The following EPN2 variants were observed in gnomAD, a reference collection of about 807,000 sequenced individuals.
The protein encoded by EPN2 is epsin-2.
A neutral mutation model predicts 61.7 loss-of-function variants in EPN2; 34 were observed. That is an observed-to-expected ratio of 0.55 (90% confidence interval 0.42 to 0.73). EPN2 has a LOEUF of 0.73. Among genes scored for constraint, EPN2 ranks in the 30% least tolerant of loss-of-function variants. The pLI is 0.00. For synonymous variants in EPN2, 349 were observed against 353.6 expected, an observed-to-expected ratio of 0.99 and a Z score of 0.15; for missense variants, 714 against 839.2, an observed-to-expected ratio of 0.85 and a Z score of 1.84.
At chr17:19,243,384 ATTTTTTTTTTTTTTT>A (rs1013094131) in intron 1 of EPN2, among the ~76,000 whole-genome samples, 12 of 77,280 alleles carry the variant, frequency 1.6e-4, no homozygotes, top group African/African-American at 8.0e-4. Flanking sequence ...TGCCTGGCTA[ATTTTTTTTTTTTTTT>A]TTTTTTTTTT....
intron 7 of EPN2, among the ~76,000 whole-genome samples, chr17:19,322,188 G>T (rs1414587666): frequency 1.3e-5 from 2 of 152,242 alleles, no homozygotes; most frequent in Non-Finnish European, 2.9e-5. Flanking sequence ...GCCTCTAGAA[G>T]GTTGTGGGTT....
intron 1 of EPN2, among the ~76,000 whole-genome samples, chr17:19,243,453 C>T (rs2044908886): frequency 1.5e-5 from 2 of 132,558 alleles, no homozygotes; most frequent in East Asian, 2.6e-4. Flanking sequence ...AGTGCAGCGG[C>T]GCGATCTCAG....
At chr17:19,316,878 G>A (rs1906409560) in intron 7 of EPN2, among the ~76,000 whole-genome samples, 1 of 152,168 alleles carries the variant, frequency 6.6e-6, no homozygotes. Context: ...TTTCTCAGTG[G>A]TGGTGTTGAC....
chr17:19,304,236 G>A (rs1221916253), intron 4 of EPN2, among the ~76,000 whole-genome samples: 2 of 152,254 alleles, frequency 1.3e-5, no homozygotes, highest in Non-Finnish European at 2.9e-5. Context: ...GCTCTCCTGT[G>A]TTGAGAAGTG....
chr17:19,259,122 C>T (rs902063367), intron 1 of EPN2, among the ~76,000 whole-genome samples: 11 of 152,162 alleles, frequency 7.2e-5, no homozygotes, highest in African/African-American at 2.7e-4. Flanking sequence ...ATAGCGGCTG[C>T]TGAATCAAGT....
chr17:19,292,088 T>TA (rs1471853761), intron 4 of EPN2, among the ~76,000 whole-genome samples: 1 of 151,952 alleles, frequency 6.6e-6, no homozygotes. Flanking sequence ...AATATATTGT[T>TA]AAAAAAAAGA....
chr17:19,255,017 T>C (rs1156648647), intron 1 of EPN2, among the ~76,000 whole-genome samples: 1 of 152,146 alleles, frequency 6.6e-6, no homozygotes, highest in Non-Finnish European at 1.5e-5. Context: ...TGTTTCCAGC[T>C]AGGAGTTAGA....
chr17:19,289,717 G>A lies in EPN2; in HGVS notation c.766+3927G>A, dbSNP rs1158789731. Among the ~76,000 whole-genome samples the A allele has an allele frequency of 3.3e-5, 3 of 91,266 alleles. No individual in the cohort carries two copies. In the East Asian group the frequency reaches 2.2e-3, roughly 67 times the overall value. The allele number at this position is 91,266 out of a possible 152,430, so 59.9% of individuals were successfully genotyped here. Reference sequence around the variant, plus strand: ...CGTCAGCTGTTCGGCCTCACCTGGCGCTCATGGTTTTTTTTTTTTTTTTTT... The same window carrying A: ...CGTCAGCTGTTCGGCCTCACCTGGCACTCATGGTTTTTTTTTTTTTTTTTT... On this transcript the variant is annotated intron_variant, in intron 4 of 10. Transcript: ENST00000314728.
intron 7 of EPN2, among the ~76,000 whole-genome samples, chr17:19,318,287 C>CA (rs1362512729): frequency 4.0e-5 from 6 of 150,778 alleles, no homozygotes; most frequent in Non-Finnish European, 5.9e-5. Flanking sequence ...TGGTGGCTGA[C>CA]GCCTGTAATC....
intron 4 of EPN2, among the ~76,000 whole-genome samples, chr17:19,288,334 C>T (rs926576619): frequency 3.9e-5 from 6 of 152,188 alleles, no homozygotes; most frequent in African/African-American, 7.2e-5. Flanking sequence ...CCCTTGCCCT[C>T]GTGGAGCTTA....
intron 4 of EPN2, among the ~76,000 whole-genome samples, chr17:19,299,685 TCTGA>T (rs1486588018): frequency 1.3e-5 from 2 of 152,234 alleles, no homozygotes; most frequent in Admixed American, 6.5e-5. Flanking sequence ...CTTGCTTTTT[TCTGA>T]CTGAGGATGG....
chr17:19,307,945 G>A, intron 4 of EPN2: 1 of 985,362 alleles, frequency 1.0e-6, no homozygotes, highest in Non-Finnish European at 1.2e-6. Context: ...CTCTCAAAGA[G>A]GAAAACCCTA....
At chr17:19,319,329 T>A (rs969859710) in intron 7 of EPN2, among the ~76,000 whole-genome samples, 2 of 152,096 alleles carry the variant, frequency 1.3e-5, no homozygotes, top group African/African-American at 4.8e-5. Flanking sequence ...TTCTACTTTT[T>A]AAATTTTTTT....
At chr17:19,290,006 C>G (rs2045447257) in intron 4 of EPN2, among the ~76,000 whole-genome samples, 1 of 152,100 alleles carries the variant, frequency 6.6e-6, no homozygotes, top group Non-Finnish European at 1.5e-5. Flanking sequence ...CAGGCGTGAG[C>G]CACCATGCCT....
Position 19,285,584 on chromosome 17 carries a change from T to C in EPN2, c.596-36T>C. 1 of 1,466,344 alleles carries C rather than the reference T, an allele frequency of 6.8e-7. No individual in the cohort carries two copies. Among genetic ancestry groups the C allele is most frequent in the Non-Finnish European group, 9.1e-7 (1 of 1,102,534 alleles). The allele number at this position is 1,466,344 out of a possible 1,614,324, so 90.8% of individuals were successfully genotyped here. A position where few individuals can be genotyped will look rare whatever the true frequency, so the allele number is the denominator to read the frequency against. On this transcript the variant is annotated intron_variant, in intron 3 of 10. Transcript: ENST00000314728. The surrounding 1 kb of genome is among the most constrained non-coding windows in gnomAD (Gnocchi z 4.5). ...CTGCTGCGCACCCTCTAATGGCGTG[T>C]CTCTCTGTGTGTGTGTGTGTGTCCC...
chr17:19,312,994 A>T, intron 6 of EPN2, 111 bp from the exon 7 acceptor site: 1 of 1,142,528 alleles, frequency 8.8e-7, no homozygotes, highest in Non-Finnish European at 1.3e-6. Context: ...CCCCTCCTAG[A>T]GGGCTTCACT....
intron 3 of EPN2, among the ~76,000 whole-genome samples, chr17:19,284,593 A>C (rs2045387236): frequency 6.6e-6 from 1 of 152,216 alleles, no homozygotes; most frequent in African/African-American, 2.4e-5. Context: ...GCTAAAACAA[A>C]AGTGCAGATC....
At chr17:19,316,398 T>C (rs189981207) in intron 7 of EPN2, among the ~76,000 whole-genome samples, 5 of 152,350 alleles carry the variant, frequency 3.3e-5, no homozygotes, top group Admixed American at 3.3e-4. Context: ...TACCAGTGAC[T>C]TGGGGAGGAG....
chr17:19,324,098 CA>C (rs1387808013), intron 7 of EPN2, among the ~76,000 whole-genome samples: 1 of 152,188 alleles, frequency 6.6e-6, no homozygotes, highest in Non-Finnish European at 1.5e-5. Context: ...ACATTCTTTG[CA>C]GTCACATGCA....
Sources: allele counts gnomAD v4.1 joint callset (sites outside exome capture counted in the v4.1 genomes callset), GRCh38; gene constraint gnomAD v4.1.1; non-coding constraint Gnocchi (gnomAD v3.1); transcripts MANE v1.5; gene names NCBI Gene and HGNC (gene_info 2026-07-23, HGNC 2026-07-21).